CLNK: variants seen among roughly 807,000 people sequenced by gnomAD.
CLNK encodes the protein cytokine dependent hematopoietic cell linker.
Under a neutral mutation model 68.6 loss-of-function variants are expected in CLNK, and 74 were observed. That is an observed-to-expected ratio of 1.08 (90% CI 0.89 to 1.31). The LOEUF (loss-of-function observed/expected upper bound fraction) is 1.31, where lower values mean the gene tolerates loss of function less well. Ranked by LOEUF, CLNK falls within the 50% of genes most tolerant of loss-of-function variation. The probability of loss-of-function intolerance (pLI) is 0.00; values close to 1 mark genes in which losing one functional copy is unlikely to be tolerated. For synonymous variants in CLNK, 198 were observed against 172.2 expected, an observed-to-expected ratio of 1.15 and a Z score of -1.17; for missense variants, 553 against 515.3, an observed-to-expected ratio of 1.07 and a Z score of -0.71.
chr4:10,729,385 C>A, the CLNK span, among the ~76,000 whole-genome samples: 1 of 152,072 alleles, frequency 6.6e-6, no homozygotes, highest in East Asian at 1.9e-4. Context: ...AACAAAACTA[C>A]CATTTCATCT....
At chr4:10,506,163 G>T (rs1218257990) in intron 17 of CLNK, among the ~76,000 whole-genome samples, 1 of 152,150 alleles carries the variant, frequency 6.6e-6, no homozygotes, top group African/African-American at 2.4e-5. Context: ...GATGTTGGTT[G>T]TGGTAGTCAT....
intron 18 of CLNK, among the ~76,000 whole-genome samples, chr4:10,498,593 A>G (rs7695651): frequency 0.99 from 151,471 of 152,348 alleles, 75,311 homozygotes; most frequent in East Asian, 1. Flanking sequence ...GGGACACTGA[A>G]CTGGAAAGTC....
intron 14 of CLNK, among the ~76,000 whole-genome samples, chr4:10,524,344 G>C (rs1443998587): frequency 2.0e-5 from 3 of 152,204 alleles, no homozygotes; most frequent in Non-Finnish European, 4.4e-5. Context: ...CAATAGCAAT[G>C]AGAGTGAATG....
chr4:10,500,714 A>C (rs1292040824), intron 18 of CLNK, among the ~76,000 whole-genome samples: 3 of 151,370 alleles, frequency 2.0e-5, no homozygotes. Flanking sequence ...TGGCATATAC[A>C]TAGTCAGTGA....
At chr4:10,536,574 G>T (rs375694344) in intron 11 of CLNK, among the ~76,000 whole-genome samples, 2 of 152,138 alleles carry the variant, frequency 1.3e-5, no homozygotes, top group African/African-American at 2.4e-5. Context: ...TCTCTGAAGC[G>T]TGGTGACCTT....
chr4:10,582,673 C>G (rs1024195379), intron 4 of CLNK, among the ~76,000 whole-genome samples: 56 of 151,974 alleles, frequency 3.7e-4, no homozygotes, highest in Middle Eastern at 3.4e-3. Flanking sequence ...CTTCTCCAGG[C>G]TTGGAATGGT....
At chr4:10,728,514 C>A in the CLNK span, among the ~76,000 whole-genome samples, 6 of 151,758 alleles carry the variant, frequency 4.0e-5, no homozygotes, top group South Asian at 1.3e-3. Context: ...CAACAGGTAC[C>A]TTTACCAAAG....
chr4:10,537,344 G>T (rs1179916787), intron 11 of CLNK, among the ~76,000 whole-genome samples: 1 of 152,140 alleles, frequency 6.6e-6, no homozygotes, highest in Non-Finnish European at 1.5e-5. Flanking sequence ...TGAGTGTGGT[G>T]CCACACAGCT....
chr4:10,576,753 G>T (rs547303661), intron 4 of CLNK, among the ~76,000 whole-genome samples: 42 of 152,338 alleles, frequency 2.8e-4, no homozygotes, highest in African/African-American at 9.4e-4. Flanking sequence ...GAATCAGTCT[G>T]CTTTTTTCCT....
At chr4:10,565,475 G>A (rs1442869971) in intron 6 of CLNK, among the ~76,000 whole-genome samples, 1 of 152,188 alleles carries the variant, frequency 6.6e-6, no homozygotes, top group Non-Finnish European at 1.5e-5. Context: ...ACAGAGGTGG[G>A]TGTGAAATTA....
intron 2 of CLNK, among the ~76,000 whole-genome samples, chr4:10,655,334 C>CAGAGAGAGAGAGAGAGAGAGAGAGAGAG: frequency 1.5e-5 from 2 of 135,410 alleles, no homozygotes; most frequent in South Asian, 5.0e-4. Flanking sequence ...CCCCCAAAGA[C>CAGAGAGAGAGAGAGAGAGAGAGAGAGAG]AGAGAGAGAG....
At chr4:10,582,921 C>T (rs896170823) in intron 4 of CLNK, among the ~76,000 whole-genome samples, 7 of 152,124 alleles carry the variant, frequency 4.6e-5, no homozygotes, top group Admixed American at 1.3e-4. Flanking sequence ...AATATACAAT[C>T]ACTCCTTGTA....
At chr4:10,628,517 C>G (rs1173645709) in intron 2 of CLNK, among the ~76,000 whole-genome samples, 1 of 152,076 alleles carries the variant, frequency 6.6e-6, no homozygotes, top group Non-Finnish European at 1.5e-5. Flanking sequence ...TAAGACGGCA[C>G]CTAGAATGTG....
chr4:10,699,268 C>CACACCACGTATGTGTGTAT, the CLNK span, among the ~76,000 whole-genome samples: 1 of 32,380 alleles, frequency 3.1e-5, no homozygotes, highest in African/African-American at 8.3e-5. Context: ...TGTGTATACA[C>CACACCACGTATGTGTGTAT]ACACACACAC....
At chr4:10,722,249 G>GGTGT in the CLNK span, among the ~76,000 whole-genome samples, 1 of 152,100 alleles carries the variant, frequency 6.6e-6, no homozygotes, top group Admixed American at 6.6e-5. Context: ...GGTGAAGAAG[G>GGTGT]ATGTACCAAG....
intron 14 of CLNK, among the ~76,000 whole-genome samples, chr4:10,522,341 A>T (rs1718114184): frequency 6.6e-6 from 1 of 151,778 alleles, no homozygotes. Context: ...TGGGAGGCCG[A>T]GGTGAGCAGA....
At chr4:10,628,927 C>T (rs1344350997) in intron 2 of CLNK, among the ~76,000 whole-genome samples, 1 of 152,196 alleles carries the variant, frequency 6.6e-6, no homozygotes, top group East Asian at 1.9e-4. Context: ...TGTCAACACA[C>T]CTGGGCAGAC....
upstream of CLNK, among the ~76,000 whole-genome samples, chr4:10,689,765 A>G (rs112064276): frequency 0.017 from 165 of 9,916 alleles, no homozygotes; most frequent in African/African-American, 0.031. Context: ...TTTTTTTTAC[A>G]AATTGTGTGA....
intron 7 of CLNK, among the ~76,000 whole-genome samples, chr4:10,563,988 G>A (rs1176587367): frequency 6.6e-6 from 1 of 152,124 alleles, no homozygotes; most frequent in Non-Finnish European, 1.5e-5. Flanking sequence ...ATCCCAGGGG[G>A]TGATCATTTG....
Sources: gnomAD v4.1 joint callset for allele counts (sites outside exome capture counted in the v4.1 genomes callset) on GRCh38, gnomAD v4.1.1 for gene constraint, MANE v1.5 for transcripts, NCBI Gene and HGNC (gene_info 2026-07-23, HGNC 2026-07-21) for gene names.